Variants in KIAA1671 observed in about 807,000 individuals in gnomAD.
The protein encoded by KIAA1671 is uncharacterized protein KIAA1671.
KIAA1671 carries 52 observed loss-of-function variants against 131.2 expected under a neutral mutation model. The observed-to-expected ratio is 0.40, with a 90% confidence interval of 0.32 to 0.50. The LOEUF (loss-of-function observed/expected upper bound fraction) is 0.50, where lower values mean the gene tolerates loss of function less well. KIAA1671 is among the 20% of genes least tolerant of loss of function. KIAA1671 has a pLI of 0.73. For missense variants in KIAA1671, 2,360 were observed against 2,364.2 expected, an observed-to-expected ratio of 1.00 and a Z score of 0.04; for synonymous variants, 1,003 against 961.6, an observed-to-expected ratio of 1.04 and a Z score of -0.80.
At position 25,093,848 on chromosome 22, in the gene KIAA1671, C is replaced by CTT. The variant is rs1568951671; in HGVS notation, c.4530+44485_4530+44486insTT. 3.1e-4 allele frequency among the ~76,000 whole-genome samples: 21 copies of CTT among 67,686 alleles called. 1 individual carries two copies. The highest frequency in any genetic ancestry group is 7.7e-4 in the African/African-American group (14 of 18,250). 44.4% of individuals were successfully genotyped at this position (67,686 alleles called of 152,430 possible). On this transcript the variant is annotated intron_variant, in intron 6 of 12. Coordinates refer to ENST00000358431, the MANE Select transcript of KIAA1671 (RefSeq NM_001145206.2). The stretch of plus-strand genomic sequence containing the variant: ...TTTCTCTCTCTGTCTGTCTCTCTCT[C>CTT]TCTCTCTCTCTCTCTCTCTCTCTCT...
At chr22:25,068,387 G>A (rs536440679) in intron 6 of KIAA1671, among the ~76,000 whole-genome samples, 10 of 152,294 alleles carry the variant, frequency 6.6e-5, no homozygotes, top group African/African-American at 2.2e-4. Context: ...AAGCTACCCC[G>A]TGGTTTTCTC....
intron 6 of KIAA1671, among the ~76,000 whole-genome samples, chr22:25,130,112 A>C (rs1293452631): frequency 6.6e-6 from 1 of 152,222 alleles, no homozygotes; most frequent in Non-Finnish European, 1.5e-5. Flanking sequence ...AATTATTATC[A>C]ATATGATTAT....
intron 11 of KIAA1671, among the ~76,000 whole-genome samples, chr22:25,190,133 C>T (rs1421458813): frequency 6.6e-6 from 1 of 152,016 alleles, no homozygotes; most frequent in Non-Finnish European, 1.5e-5. Context: ...TGAAATAATT[C>T]TACAACTCAC....
chr22:25,001,249 GTGTA>G (rs71732093), intron 1 of KIAA1671, among the ~76,000 whole-genome samples: 27,956 of 151,410 alleles, frequency 0.18, 3,077 homozygotes, highest in Middle Eastern at 0.31. Flanking sequence ...GTGTGTGTGT[GTGTA>G]TGTGTGTGTA....
chr22:25,190,626 G>A (rs1204307480), intron 11 of KIAA1671, 76 bp from the exon 12 acceptor site: 13 of 1,261,982 alleles, frequency 1.0e-5, no homozygotes, highest in South Asian at 5.1e-5. Context: ...ATAGACAGTC[G>A]GATACCACTC....
At chr22:25,136,242 C>A (rs576032332) in intron 6 of KIAA1671, among the ~76,000 whole-genome samples, 1 of 152,240 alleles carries the variant, frequency 6.6e-6, no homozygotes, top group African/African-American at 2.4e-5. Context: ...TTAAACACCC[C>A]CTCCTCTCTC....
chr22:25,138,741 G>C lies in KIAA1671; in HGVS notation c.4531-32079G>C, dbSNP rs12159265. 3.2e-3 allele frequency among the ~76,000 whole-genome samples: 488 copies of C among 152,260 alleles called. 2 individuals carry two copies. Among genetic ancestry groups the C allele is most frequent in the African/African-American group, 0.011 (470 of 41,558 alleles). Reference sequence around the variant, plus strand: ...ACAAAACATCAACCTTCAAATACTAGAGTTCTTCAAAGAAATTCAGAGTTC... The same window carrying C: ...ACAAAACATCAACCTTCAAATACTACAGTTCTTCAAAGAAATTCAGAGTTC... On this transcript the variant is annotated intron_variant, in intron 6 of 12. Transcript: ENST00000358431.
intron 10 of KIAA1671, 91 bp from the exon 11 acceptor site, chr22:25,184,886 C>T (rs1934417623): frequency 6.8e-7 from 1 of 1,478,914 alleles, no homozygotes; most frequent in African/African-American, 1.4e-5. Flanking sequence ...CGAGTGTTTG[C>T]AGAAGGCTCA....
intron 6 of KIAA1671, among the ~76,000 whole-genome samples, chr22:25,159,381 CG>C: frequency 6.6e-6 from 1 of 152,228 alleles, no homozygotes; most frequent in East Asian, 1.9e-4. Context: ...GGACCTTCCC[CG>C]GGGTGCCCTT....
At chr22:25,089,077 T>C (rs1189656976) in intron 6 of KIAA1671, among the ~76,000 whole-genome samples, 1 of 152,168 alleles carries the variant, frequency 6.6e-6, no homozygotes, top group African/African-American at 2.4e-5. Context: ...ATTTACTTAG[T>C]GTTTACATTG....
At position 25,039,632 on chromosome 22, in the gene KIAA1671, C is replaced by G; in HGVS notation, c.2502C>G (p.Thr834=). 6.5e-7 allele frequency: 1 copy of G among 1,548,702 alleles called. No homozygotes were observed. Among genetic ancestry groups the G allele is most frequent in the Admixed American group, 2.0e-5 (1 of 50,916 alleles). The change falls in exon 5 of 13, where the codon ACC becomes ACG. Residue 834 remains threonine, a synonymous_variant. Coordinates refer to ENST00000358431, the MANE Select transcript of KIAA1671 (RefSeq NM_001145206.2). The part of the protein sequence containing the change: ...GGAVVSSHKA[T]VAVSEEHCAP... The stretch of plus-strand genomic sequence containing the variant: ...CAGTGGTGAGCTCGCACAAAGCCAC[C>G]GTGGCAGTCAGCGAAGAGCACTGTG...
intron 1 of KIAA1671, among the ~76,000 whole-genome samples, chr22:24,983,510 G>T (rs958170192): frequency 2.6e-5 from 4 of 151,972 alleles, no homozygotes; most frequent in Admixed American, 1.3e-4. Flanking sequence ...GTCGCATTCT[G>T]AGATTACAGG....
chr22:25,107,028 A>C (rs1931044286), intron 6 of KIAA1671, among the ~76,000 whole-genome samples: 1 of 152,206 alleles, frequency 6.6e-6, no homozygotes, highest in African/African-American at 2.4e-5. Flanking sequence ...CCCCCACCCC[A>C]ACCTTTTGTT....
At chr22:25,190,195 A>T (rs149997848) in intron 11 of KIAA1671, among the ~76,000 whole-genome samples, 40 of 152,266 alleles carry the variant, frequency 2.6e-4, no homozygotes, top group African/African-American at 9.4e-4. Flanking sequence ...AGATGGTTCC[A>T]TCTGGGGGTG....
intron 11 of KIAA1671, among the ~76,000 whole-genome samples, chr22:25,189,342 T>G (rs1254226928): frequency 1.3e-5 from 2 of 151,854 alleles, no homozygotes; most frequent in Non-Finnish European, 2.9e-5. Flanking sequence ...CCGGCTAATT[T>G]TTTTTTATTT....
chr22:25,032,002 A>C (rs1926321965), intron 3 of KIAA1671, among the ~76,000 whole-genome samples: 1 of 152,216 alleles, frequency 6.6e-6, no homozygotes, highest in Admixed American at 6.5e-5. Context: ...CCAGAGATGG[A>C]AAGATTCTAG....
At chr22:25,009,339 A>G (rs1244388924) in intron 1 of KIAA1671, among the ~76,000 whole-genome samples, 7 of 131,284 alleles carry the variant, frequency 5.3e-5, no homozygotes, top group Non-Finnish European at 6.1e-5. Context: ...ATCTTGGCTC[A>G]CTGCAACCTC....
chr22:25,122,836 G>A (rs772343091), intron 6 of KIAA1671, among the ~76,000 whole-genome samples: 8 of 152,072 alleles, frequency 5.3e-5, no homozygotes, highest in South Asian at 2.1e-4. Context: ...TTAGCCAGGC[G>A]TGATGGTGGG....
intron 6 of KIAA1671, among the ~76,000 whole-genome samples, chr22:25,069,486 G>T (rs1928690250): frequency 6.6e-6 from 1 of 152,154 alleles, no homozygotes; most frequent in South Asian, 2.1e-4. Context: ...CCCTCCCTTT[G>T]CCAGCACCCC....
Sources: allele counts gnomAD v4.1 joint callset (sites outside exome capture counted in the v4.1 genomes callset), GRCh38; gene constraint gnomAD v4.1.1; transcripts MANE v1.5; gene names NCBI Gene and HGNC (gene_info 2026-07-23, HGNC 2026-07-21).